Variants in ZNF248 observed in about 807,000 individuals in gnomAD.
ZNF248 encodes the protein zinc finger protein 248.
In ZNF248, 20 loss-of-function variants were observed where a neutral mutation model predicts 44.3. That is an observed-to-expected ratio of 0.45 (90% CI 0.32 to 0.66). ZNF248 has a LOEUF of 0.66. Among genes scored for constraint, ZNF248 ranks in the 30% least tolerant of loss-of-function variants. The pLI, the probability that ZNF248 is intolerant of heterozygous loss-of-function variation, is 0.04. For missense variants in ZNF248, 654 were observed against 677.0 expected (o/e 0.97, Z 0.38); for synonymous variants, 224 against 229.0 (o/e 0.98, Z 0.20).
At chr10:37,762,168 G>T in the ZNF248 span, among the ~76,000 whole-genome samples, 5 of 152,166 alleles carry the variant, frequency 3.3e-5, no homozygotes, top group Non-Finnish European at 1.5e-5. Context: ...TGCTGGCATG[G>T]AATAAGTGGG....
chr10:37,858,005 C>G (rs2061599103), upstream of ZNF248: 2 of 152,274 alleles, frequency 1.3e-5, no homozygotes, highest in Non-Finnish European at 2.9e-5. Context: ...CGGGGCTCAC[C>G]CGCCGCTCCT....
downstream of ZNF248, among the ~76,000 whole-genome samples, chr10:37,772,706 C>T (rs372007494): frequency 6.6e-6 from 1 of 152,200 alleles, no homozygotes. Flanking sequence ...TCCCTTTAGT[C>T]ACGTATTTGC....
chr10:37,805,291 AGAT>A (rs2050394527), intron 6 of ZNF248, among the ~76,000 whole-genome samples: 1 of 152,206 alleles, frequency 6.6e-6, no homozygotes, highest in South Asian at 2.1e-4. Flanking sequence ...CAATAGGAAA[AGAT>A]GATCTGTACA....
At position 37,830,776 on chromosome 10, in the gene ZNF248, T is replaced by C. The variant is rs567586259; in HGVS notation, c.*839A>G. On this transcript the variant is annotated 3_prime_UTR_variant, in exon 6 of 6. Transcript: ENST00000395867. ...GACAGATGTGCAGTGCACACTATTATACAGTATTTTCATCATACAGATTAA... is the reference window on the plus strand; with the variant it reads ...GACAGATGTGCAGTGCACACTATTACACAGTATTTTCATCATACAGATTAA... The C allele has an allele frequency of 4.7e-6, 1 of 212,470 alleles. No homozygotes were observed. The highest frequency in any genetic ancestry group is 8.2e-6 in the Non-Finnish European group (1 of 121,716). The allele number at this position is 212,470 out of a possible 1,614,324, so 13.2% of individuals were successfully genotyped here. A position where few individuals can be genotyped will look rare whatever the true frequency, so the allele number is the denominator to read the frequency against.
At chr10:37,766,299 C>G in the ZNF248 span, among the ~76,000 whole-genome samples, 1 of 152,226 alleles carries the variant, frequency 6.6e-6, no homozygotes, top group Non-Finnish European at 1.5e-5. Context: ...TGAGAACGGG[C>G]AGACTGCCTC....
chr10:37,829,339 C>A lies in ZNF248; in HGVS notation c.*2276G>T, dbSNP rs2054996719. The A allele has an allele frequency of 1.0e-6, 1 of 985,442 alleles. No individual in the cohort carries two copies. Among genetic ancestry groups the A allele is most frequent in the Non-Finnish European group, 1.2e-6 (1 of 829,922 alleles). The allele number at this position is 985,442 out of a possible 1,614,324, so 61.0% of individuals were successfully genotyped here. ...CACTGTCCCTTGTTTCTGGCCCACA[C>A]CACTGTAATCAGTCTGCCATTAAAA... On this transcript the variant is annotated 3_prime_UTR_variant, in exon 6 of 6. Coordinates refer to ENST00000395867, the MANE Select transcript of ZNF248 (RefSeq NM_021045.3).
chr10:37,782,837 G>C (rs995139074), intron 6 of ZNF248, among the ~76,000 whole-genome samples: 2 of 152,084 alleles, frequency 1.3e-5, no homozygotes, highest in African/African-American at 4.8e-5. Flanking sequence ...ACATGGGCCT[G>C]CCACATTCTG....
intron 1 of ZNF248, chr10:37,856,839 T>A: frequency 2.0e-6 from 1 of 510,132 alleles, no homozygotes; most frequent in Non-Finnish European, 2.5e-6. Context: ...TGGGCAGCAG[T>A]GGCTCGGGAA....
At chr10:37,777,878 T>C (rs906297242) in intron 6 of ZNF248, among the ~76,000 whole-genome samples, 16 of 152,272 alleles carry the variant, frequency 1.1e-4, no homozygotes, top group Non-Finnish European at 4.4e-5. Flanking sequence ...TCCTTTTTTA[T>C]GGCTGCATAG....
At chr10:37,790,579 G>C (rs1048873581) in intron 6 of ZNF248, among the ~76,000 whole-genome samples, 6 of 150,612 alleles carry the variant, frequency 4.0e-5, no homozygotes. Context: ...GCGTAGTGGC[G>C]CACGCCTGTA....
chr10:37,790,812 T>C (rs2048434156), intron 6 of ZNF248, among the ~76,000 whole-genome samples: 1 of 150,576 alleles, frequency 6.6e-6, no homozygotes, highest in Non-Finnish European at 1.5e-5. Context: ...TCCAGCTACA[T>C]GGGAGGCTGA....
chr10:37,844,732 A>G (rs538253782), intron 3 of ZNF248, among the ~76,000 whole-genome samples: 1 of 152,316 alleles, frequency 6.6e-6, no homozygotes, highest in African/African-American at 2.4e-5. Flanking sequence ...TATCTTAAAA[A>G]ATACAGGAAA....
At chr10:37,774,994 T>C (rs980544626), downstream of ZNF248, among the ~76,000 whole-genome samples, 1 of 151,992 alleles carries the variant, frequency 6.6e-6, no homozygotes, top group African/African-American at 2.4e-5. Context: ...GGTCTCAAAC[T>C]CTTGATCTCA....
the ZNF248 span, among the ~76,000 whole-genome samples, chr10:37,762,306 T>C: frequency 6.6e-6 from 1 of 152,218 alleles, no homozygotes; most frequent in Admixed American, 6.5e-5. Context: ...CTTTACTAAA[T>C]TAACTAATCC....
In ZNF248 at chr10:37,832,131, A is replaced by G. The variant is rs530261526; in HGVS notation, c.1224T>C (p.Tyr408=). The G allele has an allele frequency of 7.4e-6, 12 of 1,614,016 alleles. No homozygotes were observed. In the South Asian group the frequency reaches 1.2e-4, roughly 16 times the overall value. Residue 408 remains tyrosine (Y), a synonymous_variant, in exon 6 of 6, where the codon TAT becomes TAC. Transcript: ENST00000395867. ...HQRTHTGEKP[Y]ECTECGKAFC... is the part of the protein sequence containing the mutation. Reference sequence around the variant, plus strand: ...AGGCTTTCCCACATTCAGTACATTCATAGGGCTTCTCTCCTGTGTGTGTTC... The same window carrying G: ...AGGCTTTCCCACATTCAGTACATTCGTAGGGCTTCTCTCCTGTGTGTGTTC...
At chr10:37,771,021 A>G in the ZNF248 span, among the ~76,000 whole-genome samples, 3 of 152,254 alleles carry the variant, frequency 2.0e-5, no homozygotes, top group Non-Finnish European at 4.4e-5. Context: ...ACATGAAAAA[A>G]TGCTTATCAT....
intron 4 of ZNF248, 96 bp from the exon 5 acceptor site, chr10:37,837,808 A>G: frequency 3.6e-6 from 5 of 1,377,694 alleles, no homozygotes; most frequent in Non-Finnish European, 4.0e-6. Flanking sequence ...TTCACCAGCT[A>G]CTCAAAGAAT....
chr10:37,846,094 A>G (rs1382532051), intron 3 of ZNF248, among the ~76,000 whole-genome samples: 1 of 152,188 alleles, frequency 6.6e-6, no homozygotes, highest in African/African-American at 2.4e-5. Flanking sequence ...CTTATAAGCC[A>G]TCAGGGATCA....
downstream of ZNF248, among the ~76,000 whole-genome samples, chr10:37,824,672 A>ATTTTTTTTTTTTTTTTTTT (rs1564542451): frequency 1.8e-4 from 11 of 61,296 alleles, no homozygotes; most frequent in African/African-American, 6.8e-4. Flanking sequence ...AATTATTTTA[A>ATTTTTTTTTTTTTTTTTTT]ATTTTTTTTT....
Sources: gnomAD v4.1 joint callset for allele counts (sites outside exome capture counted in the v4.1 genomes callset) on GRCh38, gnomAD v4.1.1 for gene constraint, MANE v1.5 for transcripts, NCBI Gene and HGNC (gene_info 2026-07-23, HGNC 2026-07-21) for gene names.